APCDD1L: variants seen among roughly 807,000 people sequenced by gnomAD.
APCDD1L encodes the protein APC down-regulated 1 like, also known as protein APCDD1-like.
In APCDD1L, 21 loss-of-function variants were observed where a neutral mutation model predicts 24.2. The ratio of observed to expected loss-of-function variants is 0.87; its 90% confidence interval spans 0.61 to 1.25. APCDD1L has a LOEUF of 1.25. APCDD1L is among the 50% of genes most tolerant of loss of function. The pLI, the probability that APCDD1L is intolerant of heterozygous loss-of-function variation, is 0.00. For synonymous variants in APCDD1L, 321 were observed against 323.6 expected (o/e 0.99, Z 0.09); for missense variants, 704 against 711.7 (o/e 0.99, Z 0.12).
intron 1 of APCDD1L, among the ~76,000 whole-genome samples, chr20:58,502,182 A>C (rs1314279567): frequency 6.6e-6 from 1 of 151,940 alleles, no homozygotes; most frequent in Non-Finnish European, 1.5e-5. Flanking sequence ...GGCTCACTGG[A>C]ACCTGTCTCC....
rs1372296992 is a variant in APCDD1L, at chr20:58,494,991, T to TG, written c.49+19667dup. The stretch of plus-strand genomic sequence containing the variant: ...TGACCTTGTCTCAAGGTGGGCCCTC[T>TG]GGTGTCCCCTGGAGCCTGCTGCCCC... On this transcript the variant is annotated intron_variant, in intron 1 of 3. Transcript: ENST00000371149. The surrounding 1 kb of genome is among the most constrained non-coding windows in gnomAD (Gnocchi z 4.8). 6.6e-6 allele frequency among the ~76,000 whole-genome samples: 1 copy of TG among 152,170 alleles called. No homozygotes were observed. Among genetic ancestry groups the TG allele is most frequent in the African/African-American group, 2.4e-5 (1 of 41,454 alleles).
chr20:58,495,984 G>C (rs578192836), intron 1 of APCDD1L, among the ~76,000 whole-genome samples: 1 of 152,168 alleles, frequency 6.6e-6, no homozygotes, highest in African/African-American at 2.4e-5. Context: ...CAGAGGGGGC[G>C]GTGGCTGCGC....
intron 1 of APCDD1L, among the ~76,000 whole-genome samples, chr20:58,481,666 C>G (rs1990027715): frequency 6.6e-6 from 1 of 152,156 alleles, no homozygotes; most frequent in Non-Finnish European, 1.5e-5. Flanking sequence ...TGGGAGCTTC[C>G]ACAAGGGGGC....
chr20:58,490,388 C>T (rs1990202690), intron 1 of APCDD1L, among the ~76,000 whole-genome samples: 1 of 152,212 alleles, frequency 6.6e-6, no homozygotes, highest in South Asian at 2.1e-4. Context: ...ATTCATGGTG[C>T]ACCTTCACAC....
chr20:58,510,306 G>A (rs543641374), intron 1 of APCDD1L, among the ~76,000 whole-genome samples: 10 of 152,268 alleles, frequency 6.6e-5, no homozygotes, highest in Non-Finnish European at 1.3e-4. Context: ...CACGTCCACT[G>A]AATTGGGACT....
chr20:58,464,856 CTTT>C (rs11415092), intron 3 of APCDD1L, among the ~76,000 whole-genome samples: 1 of 146,486 alleles, frequency 6.8e-6, no homozygotes. Context: ...TTCTTTCTTT[CTTT>C]TTTTTTTTTT....
intron 3 of APCDD1L, among the ~76,000 whole-genome samples, chr20:58,463,766 A>AT (rs201621900): frequency 0.015 from 2,216 of 151,574 alleles, 55 homozygotes; most frequent in African/African-American, 0.049. Context: ...GTTCCAATAT[A>AT]TTTTTTCTTG....
intron 1 of APCDD1L, among the ~76,000 whole-genome samples, chr20:58,493,208 C>T (rs942533297): frequency 3.8e-4 from 58 of 152,234 alleles, no homozygotes; most frequent in African/African-American, 1.4e-3. Flanking sequence ...CATAAACATG[C>T]ACATAATGGA....
At chr20:58,498,926 C>T (rs1990376222) in intron 1 of APCDD1L, among the ~76,000 whole-genome samples, 1 of 152,248 alleles carries the variant, frequency 6.6e-6, no homozygotes. Context: ...TCATCTCCAT[C>T]CCACGTCTGT....
chr20:58,485,066 A>T (rs1158409520), intron 1 of APCDD1L, among the ~76,000 whole-genome samples: 1 of 152,148 alleles, frequency 6.6e-6, no homozygotes, highest in Non-Finnish European at 1.5e-5. Flanking sequence ...TATGGAAAAG[A>T]CAAAATAGTA....
At chr20:58,506,346 C>A (rs1990528158) in intron 1 of APCDD1L, among the ~76,000 whole-genome samples, 1 of 152,170 alleles carries the variant, frequency 6.6e-6, no homozygotes, top group South Asian at 2.1e-4. Context: ...GAGAAGGTGG[C>A]CTTGTAGCCA....
chr20:58,505,940 C>T (rs1990521316), intron 1 of APCDD1L, among the ~76,000 whole-genome samples: 1 of 152,138 alleles, frequency 6.6e-6, no homozygotes, highest in Admixed American at 6.5e-5. Context: ...CCAGGGAATG[C>T]CAAGGACTGC....
Position 58,514,840 on chromosome 20 carries a change from T to A in APCDD1L, c.-133A>T. The stretch of plus-strand genomic sequence containing the variant: ...TCCTGCGAAGAAGTTGCGAGGGTCC[T>A]GCGCCCCCCTCGGCGCTCACACGCG... On this transcript the variant is annotated 5_prime_UTR_variant, in exon 1 of 4. Coordinates refer to ENST00000371149, the MANE Select transcript of APCDD1L (RefSeq NM_153360.3). 1 of 621,826 alleles carries A rather than the reference T, an allele frequency of 1.6e-6. No individual in the cohort carries two copies. Among genetic ancestry groups the A allele is most frequent in the Non-Finnish European group, 2.4e-6 (1 of 425,232 alleles). The allele number at this position is 621,826 out of a possible 1,614,324, so 38.5% of individuals were successfully genotyped here.
In APCDD1L at chr20:58,508,769, G is replaced by A. The variant is rs1287315887; in HGVS notation, c.49+5890C>T. Reference sequence around the variant, plus strand: ...AAAGAACTGTCGATAAAACAGGCCAGGCCTTCTTCTTGTGCAGCCTACTTT... The same window carrying A: ...AAAGAACTGTCGATAAAACAGGCCAAGCCTTCTTCTTGTGCAGCCTACTTT... On this transcript the variant is annotated intron_variant, in intron 1 of 3. Transcript: ENST00000371149. The surrounding 1 kb of genome is among the most constrained non-coding windows in gnomAD (Gnocchi z 4.0). 6.6e-6 allele frequency among the ~76,000 whole-genome samples: 1 copy of A among 152,210 alleles called. No homozygotes were observed. The highest frequency in any genetic ancestry group is 2.4e-5 in the African/African-American group (1 of 41,442).
In APCDD1L at chr20:58,513,899, T is replaced by C. The variant is rs776425076; in HGVS notation, c.49+760A>G. On this transcript the variant is annotated intron_variant, in intron 1 of 3. Coordinates refer to ENST00000371149, the MANE Select transcript of APCDD1L (RefSeq NM_153360.3). ...CTCCAGGGCCAGAATTCTCAGCCAT[T>C]CATAATGTGAGGGTGCTTGGGGATG... The C allele has an allele frequency of 2.8e-5, 36 of 1,304,172 alleles. No homozygotes were observed. In the South Asian group the frequency reaches 4.4e-4, roughly 16 times the overall value. 80.8% of individuals were successfully genotyped at this position (1,304,172 alleles called of 1,614,324 possible).
In APCDD1L at chr20:58,494,831, T is replaced by C. The variant is rs1253347172; in HGVS notation, c.49+19828A>G. Reference sequence around the variant, plus strand: ...ACCCACTGAGCGCCTGGCAGTCCCTTGGCCACACCCCACTTGTACCCACCC... The same window carrying C: ...ACCCACTGAGCGCCTGGCAGTCCCTCGGCCACACCCCACTTGTACCCACCC... On this transcript the variant is annotated intron_variant, in intron 1 of 3. Transcript: ENST00000371149. The surrounding 1 kb of genome is among the most constrained non-coding windows in gnomAD (Gnocchi z 4.8). Among the ~76,000 whole-genome samples, 1 of 152,192 alleles carries C rather than the reference T, an allele frequency of 6.6e-6. No individual in the cohort carries two copies. Among genetic ancestry groups the C allele is most frequent in the East Asian group, 1.9e-4 (1 of 5,194 alleles).
At chr20:58,493,840 A>G (rs1054032665) in intron 1 of APCDD1L, among the ~76,000 whole-genome samples, 29 of 152,208 alleles carry the variant, frequency 1.9e-4, no homozygotes, top group African/African-American at 6.5e-4. Flanking sequence ...TAACAACACG[A>G]CACCAGAGTT....
chr20:58,463,202 C>T (rs181667874), intron 3 of APCDD1L, among the ~76,000 whole-genome samples: 8 of 151,084 alleles, frequency 5.3e-5, no homozygotes, highest in Non-Finnish European at 8.8e-5. Context: ...TAAGTCTGCG[C>T]GAAGGAGATA....
At chr20:58,512,475 A>G (rs1990646063) in intron 1 of APCDD1L, among the ~76,000 whole-genome samples, 1 of 152,064 alleles carries the variant, frequency 6.6e-6, no homozygotes, top group Non-Finnish European at 1.5e-5. Flanking sequence ...ACTGCTAAGC[A>G]CCCCAAAATG....
Sources: allele counts gnomAD v4.1 joint callset (sites outside exome capture counted in the v4.1 genomes callset), GRCh38; gene constraint gnomAD v4.1.1; non-coding constraint Gnocchi (gnomAD v3.1); transcripts MANE v1.5; gene names NCBI Gene and HGNC (gene_info 2026-07-23, HGNC 2026-07-21).